CSMD1: variants seen among roughly 807,000 people sequenced by gnomAD.
CSMD1 encodes CUB and Sushi multiple domains 1, also known as CUB and sushi domain-containing protein 1.
Under a neutral mutation model 417.5 loss-of-function variants are expected in CSMD1, and 213 were observed. The observed-to-expected ratio is 0.51, with a 90% confidence interval of 0.46 to 0.57. The LOEUF is 0.57. CSMD1 is among the 20% of genes least tolerant of loss of function. CSMD1 has a pLI of 0.00. For missense variants in CSMD1, 6,923 were observed against 4,529.7 expected (o/e 1.53, Z -15.17); for synonymous variants, 2,862 against 1,736.8 (o/e 1.65, Z -16.11).
intron 7 of CSMD1, among the ~76,000 whole-genome samples, chr8:3,636,307 G>A (rs1035250975): frequency 2.6e-5 from 4 of 152,124 alleles, no homozygotes; most frequent in South Asian, 2.1e-4. Flanking sequence ...CTGTTGTACA[G>A]GCCGGGATTA....
At chr8:3,752,618 C>T (rs976427869) in intron 6 of CSMD1, among the ~76,000 whole-genome samples, 5 of 145,386 alleles carry the variant, frequency 3.4e-5, no homozygotes, top group African/African-American at 1.0e-4. Context: ...TGCACCACTG[C>T]ACTCCAGCCC....
intron 49 of CSMD1, among the ~76,000 whole-genome samples, chr8:3,082,770 A>T (rs948102827): frequency 6.6e-6 from 1 of 152,216 alleles, no homozygotes; most frequent in Non-Finnish European, 1.5e-5. Context: ...ATTATACAAA[A>T]GATACCCTCT....
At chr8:4,150,662 G>A (rs182303278) in intron 3 of CSMD1, among the ~76,000 whole-genome samples, 8 of 152,144 alleles carry the variant, frequency 5.3e-5, no homozygotes, top group African/African-American at 4.8e-5. Flanking sequence ...AATGGTTAGG[G>A]TGCAGATAAG....
intron 3 of CSMD1, among the ~76,000 whole-genome samples, chr8:4,292,054 C>T (rs1043958202): frequency 6.6e-6 from 1 of 152,034 alleles, no homozygotes; most frequent in African/African-American, 2.4e-5. Context: ...GAGGTTTGGA[C>T]ACTTGATCAT....
At chr8:3,199,907 T>C (rs1000331564) in intron 32 of CSMD1, 98 bp from the exon 33 acceptor site, 5 of 663,696 alleles carry the variant, frequency 7.5e-6, no homozygotes, top group African/African-American at 3.6e-5. Flanking sequence ...TTCACATTTA[T>C]TTTTTGAACT....
chr8:3,302,392 T>C (rs1213655362), intron 25 of CSMD1, among the ~76,000 whole-genome samples: 1 of 152,204 alleles, frequency 6.6e-6, no homozygotes, highest in African/African-American at 2.4e-5. Context: ...TTTCCCTGGC[T>C]GCCTATCTAA....
chr8:4,223,528 C>G (rs1017092299), intron 3 of CSMD1, among the ~76,000 whole-genome samples: 1 of 152,210 alleles, frequency 6.6e-6, no homozygotes, highest in African/African-American at 2.4e-5. Context: ...CACCACTGCT[C>G]GTTAATAACC....
chr8:4,481,142 C>T (rs1325716086), intron 2 of CSMD1, among the ~76,000 whole-genome samples: 1 of 152,174 alleles, frequency 6.6e-6, no homozygotes, highest in Non-Finnish European at 1.5e-5. Context: ...GCTTGAGAGC[C>T]ACACATGTAA....
chr8:4,770,682 A>G (rs1177168760), intron 1 of CSMD1, among the ~76,000 whole-genome samples: 2 of 151,770 alleles, frequency 1.3e-5, no homozygotes, highest in African/African-American at 4.8e-5. Flanking sequence ...GCTAATTTTC[A>G]ACAAGAGTAC....
chr8:4,890,416 G>A (rs1225800987), intron 1 of CSMD1, among the ~76,000 whole-genome samples: 3 of 152,092 alleles, frequency 2.0e-5, no homozygotes, highest in Admixed American at 1.3e-4. Flanking sequence ...ACAGGTGAGA[G>A]CGTGACTCCG....
chr8:3,356,197 C>G (rs557694353), intron 21 of CSMD1, among the ~76,000 whole-genome samples: 5 of 152,300 alleles, frequency 3.3e-5, no homozygotes, highest in South Asian at 2.1e-4. Context: ...TTTTTTGCCA[C>G]AGGCAAATCA....
chr8:3,032,609 C>G (rs1010792686), intron 50 of CSMD1, among the ~76,000 whole-genome samples: 1 of 151,976 alleles, frequency 6.6e-6, no homozygotes, highest in Non-Finnish European at 1.5e-5. Context: ...AACACCTACC[C>G]CAGTCTACTG....
intron 2 of CSMD1, among the ~76,000 whole-genome samples, chr8:4,452,986 A>G (rs2129845715): frequency 6.6e-6 from 1 of 152,282 alleles, no homozygotes; most frequent in East Asian, 1.9e-4. Context: ...GGAGTTGCAG[A>G]GACTGTTTCC....
At chr8:3,565,217 G>A (rs556879257) in intron 10 of CSMD1, among the ~76,000 whole-genome samples, 1,785 of 135,360 alleles carry the variant, frequency 0.013, 47 homozygotes, top group African/African-American at 0.046. Flanking sequence ...TAGATAGAGA[G>A]ATAGACAGAT....
chr8:3,289,387 C>T (rs1385592479), intron 25 of CSMD1, among the ~76,000 whole-genome samples: 3 of 147,276 alleles, frequency 2.0e-5, no homozygotes, highest in Admixed American at 6.7e-5. Flanking sequence ...TTCTAGATCC[C>T]TGAGGAATCG....
At chr8:3,633,384 A>G (rs1796877360) in intron 7 of CSMD1, among the ~76,000 whole-genome samples, 1 of 152,152 alleles carries the variant, frequency 6.6e-6, no homozygotes, top group African/African-American at 2.4e-5. Context: ...TGAGACTGAC[A>G]AGTTTGCAAA....
At chr8:4,978,007 C>A (rs917587112) in intron 1 of CSMD1, among the ~76,000 whole-genome samples, 3 of 152,168 alleles carry the variant, frequency 2.0e-5, no homozygotes, top group Non-Finnish European at 2.9e-5. Flanking sequence ...GTGTGCTTGG[C>A]CACAATCGAT....
chr8:4,202,826 C>T (rs1479049741), intron 3 of CSMD1, among the ~76,000 whole-genome samples: 1 of 152,104 alleles, frequency 6.6e-6, no homozygotes, highest in African/African-American at 2.4e-5. Flanking sequence ...AAAAAGAGGG[C>T]AGTGAAGCTG....
At chr8:4,044,620 A>G (rs969720075) in intron 3 of CSMD1, among the ~76,000 whole-genome samples, 20 of 152,182 alleles carry the variant, frequency 1.3e-4, no homozygotes, top group African/African-American at 3.4e-4. Context: ...CTCTCGTGCA[A>G]TAAGAAGAGA....
Sources: allele counts gnomAD v4.1 joint callset (sites outside exome capture counted in the v4.1 genomes callset), GRCh38; gene constraint gnomAD v4.1.1; transcripts MANE v1.5; gene names NCBI Gene and HGNC (gene_info 2026-07-23, HGNC 2026-07-21).